Variants in PLA2G4B observed in about 807,000 individuals in gnomAD.
PLA2G4B encodes cytosolic phospholipase A2 beta.
Under a neutral mutation model 95.8 loss-of-function variants are expected in PLA2G4B, and 122 were observed. The ratio of observed to expected loss-of-function variants is 1.27; its 90% CI spans 1.10 to 1.48. The LOEUF is 1.48. Among genes scored for constraint, PLA2G4B ranks in the 40% most tolerant of loss-of-function variants. The probability of loss-of-function intolerance (pLI) is 0.00; values close to 1 mark genes in which losing one functional copy is unlikely to be tolerated. For synonymous variants in PLA2G4B, 518 were observed against 421.5 expected (o/e 1.23, Z -2.80); for missense variants, 1,158 against 996.2 (o/e 1.16, Z -2.19).
chr15:41,844,329 G>A, intron 11 of PLA2G4B, 142 bp from the exon 12 acceptor site: 2 of 1,403,896 alleles, frequency 1.4e-6, no homozygotes, highest in Non-Finnish European at 1.9e-6. Flanking sequence ...GGCCCCCAGG[G>A]CTGACTGAGA....
Position 41,842,583 on chromosome 15 carries a change from A to T in PLA2G4B, c.735A>T (p.Lys245Asn), listed in dbSNP as rs2065454308. The change falls in exon 10 of 20, where the codon AAA becomes AAT. Residue 245 changes from lysine to asparagine, a missense_variant. By Grantham distance (94) the Lys-to-Asn change is moderately conservative. Transcript: ENST00000458483. ...QEPLMRVELK[K>N]EAGLRELAVR... Reference sequence around the variant, plus strand: ...CCCTGATGAGAGTGGAGCTGAAAAAAGAAGCAGGGTGAGAGGCCTGGCTGG... The same window carrying T: ...CCCTGATGAGAGTGGAGCTGAAAAATGAAGCAGGGTGAGAGGCCTGGCTGG... 1 of 1,606,980 alleles carries T rather than the reference A, an allele frequency of 6.2e-7. No homozygotes were observed.
At chr15:41,839,913 C>T (rs1477244313) in intron 1 of PLA2G4B, 3 of 525,216 alleles carry the variant, frequency 5.7e-6, no homozygotes, top group Non-Finnish European at 1.0e-5. Context: ...GGTGGTTGTG[C>T]GATAAATGAG....
rs1438272367 is a variant in PLA2G4B, at chr15:41,846,376, T to C, written c.1774T>C (p.Trp592Arg). ...DYFQHPHFST[W>R]KATTLDGLPN... ...CTTTCAGCATCCTCACTTCTCCACA[T>C]GGAAAGGTACCTGCTTCTCTCCAAA... is the stretch of plus-strand genomic sequence containing the variant. Residue 592 changes from tryptophan (W) to arginine (R), a missense_variant, in exon 17 of 20, where the codon TGG becomes CGG. Coordinates refer to ENST00000458483, the MANE Select transcript of PLA2G4B (RefSeq NM_001114633.2). 2.5e-6 allele frequency: 4 copies of C among 1,604,704 alleles called. No homozygotes were observed. Among genetic ancestry groups the C allele is most frequent in the Middle Eastern group, 1.7e-4 (1 of 6,038 alleles).
rs375585050 is a variant in PLA2G4B at position 41,842,154 on chromosome 15, C to T, written c.622-39C>T. 4.3e-5 allele frequency: 69 copies of T among 1,611,122 alleles called. No homozygotes were observed. The African/African-American group carries it at 8.3e-4, about 19-fold the overall frequency. On this transcript the variant is annotated intron_variant, in intron 8 of 19. Coordinates refer to ENST00000458483, the MANE Select transcript of PLA2G4B (RefSeq NM_001114633.2). ...GTGAGGTCTTTGCTAGGAGTGGAAGCGTAAAGATTCTTAGGTCTGCATTCT... is the reference window on the plus strand; with the variant it reads ...GTGAGGTCTTTGCTAGGAGTGGAAGTGTAAAGATTCTTAGGTCTGCATTCT...
intron 4 of PLA2G4B, 64 bp downstream of exon 4, chr15:41,840,969 T>TGCACACACAC: frequency 3.8e-6 from 6 of 1,589,146 alleles, no homozygotes; most frequent in South Asian, 1.1e-5. Flanking sequence ...CGCGCACACA[T>TGCACACACAC]GCACACACAC....
chr15:41,841,687 T>C (rs1648837), intron 7 of PLA2G4B, 116 bp downstream of exon 7: 1,247,358 of 1,559,762 alleles, frequency 0.8, 500,474 homozygotes, highest in East Asian at 0.88. Flanking sequence ...CTCGGGGGAC[T>C]GTGGTGGGGG....
At position 41,846,197 on chromosome 15, in the gene PLA2G4B, G is replaced by T; in HGVS notation, c.1601-6G>T. 6.2e-7 allele frequency: 1 copy of T among 1,612,398 alleles called. No homozygotes were observed. Among genetic ancestry groups the T allele is most frequent in the Non-Finnish European group, 8.5e-7 (1 of 1,178,662 alleles). On this transcript the variant is annotated splice_region_variant and splice_polypyrimidine_tract_variant and intron_variant, in intron 16 of 19. Transcript: ENST00000458483. ...AGTCCCCATTTCCCCCACCTTGCCTGTGTAGACAAGGAGCAGGTCCCCCTT... is the reference window on the plus strand; with the variant it reads ...AGTCCCCATTTCCCCCACCTTGCCTTTGTAGACAAGGAGCAGGTCCCCCTT...
chr15:41,844,532 G>A lies in PLA2G4B; in HGVS notation c.941G>A (p.Gly314Glu). The change falls in exon 12 of 20, where the codon GGG becomes GAG. Residue 314 changes from glycine to glutamate, a missense_variant. By Grantham distance (98) the Gly-to-Glu change is moderately conservative. Coordinates refer to ENST00000458483, the MANE Select transcript of PLA2G4B (RefSeq NM_001114633.2). ...GGIRAMTSLYGQLAGLKELGL... is the reference protein window; with the variant it reads ...GGIRAMTSLYEQLAGLKELGL... ...ATCCGGGCAATGACTTCCCTGTATG[G>A]GCAGCTGGCTGGCCTGAAGGAGCTG... 4 of 1,614,126 alleles carry A rather than the reference G, an allele frequency of 2.5e-6. No individual in the cohort carries two copies. Among genetic ancestry groups the A allele is most frequent in the Non-Finnish European group, 3.4e-6 (4 of 1,180,004 alleles).
chr15:41,840,772 A>G lies in PLA2G4B; in HGVS notation c.220-2A>G. The G allele has an allele frequency of 6.2e-7, 1 of 1,613,406 alleles. No homozygotes were observed. The highest frequency in any genetic ancestry group is 8.5e-7 in the Non-Finnish European group (1 of 1,179,556). The stretch of plus-strand genomic sequence containing the variant: ...CAGCCCTGTCACTCTTTTCCCCTCC[A>G]GAATGTCATGGAACTGAAAGTCTTT... On this transcript the variant is annotated splice_acceptor_variant, in intron 3 of 19. Transcript: ENST00000458483. LOFTEE classifies it high-confidence loss of function.
intron 19 of PLA2G4B, 41 bp downstream of exon 19, chr15:41,847,564 C>G (rs1414341000): frequency 6.2e-7 from 1 of 1,605,478 alleles, no homozygotes; most frequent in African/African-American, 1.3e-5. Flanking sequence ...GCCCCAGTCC[C>G]CCACACCTCC....
At chr15:41,842,482 G>T in intron 9 of PLA2G4B, 72 bp from the exon 10 acceptor site, 1 of 1,595,392 alleles carries the variant, frequency 6.3e-7, no homozygotes, top group South Asian at 1.1e-5. Flanking sequence ...GTGCGCCGGG[G>T]ATCAGGGTAA....
intron 8 of PLA2G4B, 41 bp downstream of exon 8, chr15:41,841,990 T>TCCTC: frequency 6.3e-7 from 1 of 1,591,480 alleles, no homozygotes; most frequent in Non-Finnish European, 8.5e-7. Flanking sequence ...CCCCAGAACT[T>TCCTC]CCTCCCTCCC....
Position 41,847,654 on chromosome 15 carries a change from C to G in PLA2G4B, c.2140C>G (p.Arg714Gly), listed in dbSNP as rs759990773. 6.2e-7 allele frequency: 1 copy of G among 1,613,500 alleles called. No homozygotes were observed. Among genetic ancestry groups the G allele is most frequent in the Non-Finnish European group, 8.5e-7 (1 of 1,180,038 alleles). The change falls in exon 20 of 20, where the codon CGG (arginine) becomes GGG (glycine). Residue 714 changes from arginine (R) to glycine (G), a missense_variant. Physicochemically the swap from Arg to Gly is moderately radical, Grantham distance 125. Coordinates refer to ENST00000458483, the MANE Select transcript of PLA2G4B (RefSeq NM_001114633.2). ...AGGCTGCACTCTCTCCACAGGGGTC[C>G]GGCGGACACCCGAGGAGGCGGCAGC... ...SFREYSAPGV[R>G]RTPEEAAAGE...
Position 41,847,692 on chromosome 15 carries a change from C to T in PLA2G4B, c.2178C>T (p.Asn726=), listed in dbSNP as rs1347978820. 1.9e-6 allele frequency: 3 copies of T among 1,613,616 alleles called. No individual in the cohort carries two copies. The highest frequency in any genetic ancestry group is 2.5e-6 in the Non-Finnish European group (3 of 1,180,030). Residue 726 remains asparagine (N), a synonymous_variant, in exon 20 of 20, where the codon AAC becomes AAT. Transcript: ENST00000458483. ...TPEEAAAGEV[N]LSSSDSPYHY... Reference sequence around the variant, plus strand: ...AGGAGGCGGCAGCTGGGGAGGTGAACCTGTCTTCATCGGACTCTCCCTACC... The same window carrying T: ...AGGAGGCGGCAGCTGGGGAGGTGAATCTGTCTTCATCGGACTCTCCCTACC...
rs751884103 is a variant in PLA2G4B, at chr15:41,841,285, A to T, written c.435+12A>T. On this transcript the variant is annotated intron_variant, in intron 6 of 19. Coordinates refer to ENST00000458483, the MANE Select transcript of PLA2G4B (RefSeq NM_001114633.2). ...ATGGCGTTCTGGTGGTGAGTGTGCC[A>T]GTGCTCTGGGAGGCGGTCTGGGGTC... 1.2e-6 allele frequency: 2 copies of T among 1,612,376 alleles called. No individual in the cohort carries two copies. Among genetic ancestry groups the T allele is most frequent in the Admixed American group, 3.3e-5 (2 of 60,008 alleles).
Position 41,847,415 on chromosome 15 carries a change from C to T in PLA2G4B, c.2026C>T (p.Leu676Phe). 3.1e-6 allele frequency: 5 copies of T among 1,613,376 alleles called. No individual in the cohort carries two copies. The highest frequency in any genetic ancestry group is 4.2e-6 in the Non-Finnish European group (5 of 1,179,936). ...CATCTCGCCCAGCCCCGAAGAGCAG[C>T]TCCAGCCTCGGGAGTGCCACACCTT... ...PPISPSPEEQ[L>F]QPRECHTFSD... The change falls in exon 19 of 20, where the codon CTC (leucine) becomes TTC (phenylalanine). Residue 676 changes from leucine to phenylalanine, a missense_variant. Leu to Phe is a conservative substitution (Grantham distance 22). Coordinates refer to ENST00000458483, the MANE Select transcript of PLA2G4B (RefSeq NM_001114633.2).
chr15:41,847,175 C>CCTGT (rs1372531252), intron 18 of PLA2G4B, among the ~76,000 whole-genome samples, 162 bp from the exon 19 acceptor site: 1 of 119,636 alleles, frequency 8.4e-6, no homozygotes, highest in East Asian at 2.6e-4. Context: ...GCCACCGAGG[C>CCTGT]CTGTCAGGTG....
intron 10 of PLA2G4B, chr15:41,843,130 G>C (rs2065466735): frequency 6.6e-6 from 1 of 151,938 alleles, no homozygotes. Flanking sequence ...GCCCAGGCTG[G>C]AGTGCAATGG....
chr15:41,845,968 C>T lies in PLA2G4B; in HGVS notation c.1521C>T (p.Ala507=), dbSNP rs759734531. 6.6e-7 allele frequency: 1 copy of T among 1,516,370 alleles called. No individual in the cohort carries two copies. The highest frequency in any genetic ancestry group is 2.3e-5 in the Admixed American group (1 of 44,278). The allele number at this position is 1,516,370 out of a possible 1,614,324, so 93.9% of individuals were successfully genotyped here. The part of the protein sequence containing the change: ...LEGIWSNLYA[A]NLQDSLYWAS... ...GTATCTGGAGCAACCTGTATGCAGCCAACCTCCAGGACAGCTTATACTGGG... is the reference window on the plus strand; with the variant it reads ...GTATCTGGAGCAACCTGTATGCAGCTAACCTCCAGGACAGCTTATACTGGG... Residue 507 remains alanine, a synonymous_variant, in exon 16 of 20, where the codon GCC becomes GCT. Transcript: ENST00000458483.
Sources: allele counts gnomAD v4.1 joint callset (sites outside exome capture counted in the v4.1 genomes callset), GRCh38; gene constraint gnomAD v4.1.1; transcripts MANE v1.5; gene names NCBI Gene and HGNC (gene_info 2026-07-23, HGNC 2026-07-21).